Variants in GRID2 observed in about 807,000 individuals in gnomAD.
GRID2 encodes glutamate receptor ionotropic, delta-2.
Under a neutral mutation model 114.8 loss-of-function variants are expected in GRID2, and 33 were observed. That is an observed-to-expected ratio of 0.29 (90% CI 0.22 to 0.38). The LOEUF is 0.38. Among genes scored for constraint, GRID2 ranks in the 10% least tolerant of loss-of-function variants. GRID2 has a pLI of 1.00. For missense variants in GRID2, 1,184 were observed against 1,257.7 expected (o/e 0.94, Z 0.89); for synonymous variants, 505 against 449.9 (o/e 1.12, Z -1.55).
chr4:92,812,692 T>A (rs1274882519), intron 2 of GRID2, among the ~76,000 whole-genome samples: 1 of 152,144 alleles, frequency 6.6e-6, no homozygotes, highest in African/African-American at 2.4e-5. Flanking sequence ...AATGAAAAAC[T>A]GATTTATGCT....
chr4:92,528,917 G>A (rs1170786619), intron 1 of GRID2, among the ~76,000 whole-genome samples: 1 of 151,892 alleles, frequency 6.6e-6, no homozygotes, highest in Non-Finnish European at 1.5e-5. Flanking sequence ...AAATGTGTGT[G>A]GGACTGGTAA....
At chr4:92,631,951 G>T (rs1320664134) in intron 2 of GRID2, among the ~76,000 whole-genome samples, 1 of 152,118 alleles carries the variant, frequency 6.6e-6, no homozygotes, top group Non-Finnish European at 1.5e-5. Flanking sequence ...AACACTTTGT[G>T]TTACTGTAAT....
At chr4:92,330,754 T>A (rs1726843524) in intron 1 of GRID2, among the ~76,000 whole-genome samples, 2 of 151,998 alleles carry the variant, frequency 1.3e-5, no homozygotes, top group South Asian at 2.1e-4. Context: ...TATATAATCA[T>A]ATAGCCTGTG....
chr4:93,365,451 G>T (rs1186134577), intron 8 of GRID2, among the ~76,000 whole-genome samples: 2 of 152,158 alleles, frequency 1.3e-5, no homozygotes, highest in Non-Finnish European at 2.9e-5. Flanking sequence ...ATTTACTAAA[G>T]TTATTTGGTC....
intron 8 of GRID2, among the ~76,000 whole-genome samples, chr4:93,341,286 C>G (rs895208449): frequency 6.6e-6 from 1 of 151,706 alleles, no homozygotes; most frequent in Non-Finnish European, 1.5e-5. Flanking sequence ...TTTTTTTCCC[C>G]TTTAAACAAT....
chr4:93,662,911 G>A (rs1723620274), intron 14 of GRID2, among the ~76,000 whole-genome samples: 1 of 152,154 alleles, frequency 6.6e-6, no homozygotes, highest in South Asian at 2.1e-4. Flanking sequence ...AACTAAGTGA[G>A]AAGACATAGC....
intron 13 of GRID2, among the ~76,000 whole-genome samples, chr4:93,621,233 G>A (rs1046914642): frequency 6.6e-5 from 10 of 152,162 alleles, no homozygotes; most frequent in Non-Finnish European, 1.2e-4. Context: ...GGAGTCTATT[G>A]ATATCTCAGG....
intron 1 of GRID2, among the ~76,000 whole-genome samples, chr4:92,569,263 G>T (rs1024821363): frequency 1.3e-5 from 2 of 151,928 alleles, no homozygotes; most frequent in African/African-American, 4.8e-5. Context: ...AAGGATAATG[G>T]CCTCCAGCTC....
At chr4:92,715,949 A>G (rs1735524772) in intron 2 of GRID2, among the ~76,000 whole-genome samples, 1 of 152,226 alleles carries the variant, frequency 6.6e-6, no homozygotes, top group Non-Finnish European at 1.5e-5. Flanking sequence ...AGAAACTGCT[A>G]TAGAATGAAA....
chr4:92,487,827 G>A (rs879596558), intron 1 of GRID2, among the ~76,000 whole-genome samples: 8 of 151,912 alleles, frequency 5.3e-5, no homozygotes, highest in Admixed American at 2.0e-4. Flanking sequence ...CGGCAGTTTT[G>A]TGTGTTTTGT....
At chr4:93,392,851 A>C (rs1764981855) in intron 8 of GRID2, among the ~76,000 whole-genome samples, 1 of 152,080 alleles carries the variant, frequency 6.6e-6, no homozygotes, top group Admixed American at 6.6e-5. Context: ...AAGTGAATTA[A>C]ATACTAATTT....
At chr4:93,049,319 T>A (rs997231240) in intron 2 of GRID2, among the ~76,000 whole-genome samples, 2 of 152,052 alleles carry the variant, frequency 1.3e-5, no homozygotes, top group Non-Finnish European at 2.9e-5. Context: ...ATAAACATAA[T>A]TAAATATCAA....
chr4:92,933,566 C>A (rs1750405613), intron 2 of GRID2, among the ~76,000 whole-genome samples: 1 of 151,414 alleles, frequency 6.6e-6, no homozygotes, highest in Admixed American at 6.6e-5. Context: ...ATAAGCCATG[C>A]CAGGAGACTG....
intron 1 of GRID2, among the ~76,000 whole-genome samples, chr4:92,485,332 A>G (rs1423138216): frequency 9.4e-6 from 1 of 106,404 alleles, no homozygotes; most frequent in Non-Finnish European, 2.0e-5. Flanking sequence ...ATATATATAT[A>G]TATATATATA....
chr4:93,143,313 T>G (rs955924093), intron 4 of GRID2, among the ~76,000 whole-genome samples: 1 of 152,228 alleles, frequency 6.6e-6, no homozygotes, highest in Non-Finnish European at 1.5e-5. Flanking sequence ...ACCATGTTCC[T>G]TGTTAATTAT....
chr4:92,308,483 G>C (rs1725529609), intron 1 of GRID2, among the ~76,000 whole-genome samples: 1 of 152,116 alleles, frequency 6.6e-6, no homozygotes, highest in African/African-American at 2.4e-5. Flanking sequence ...CTCACAAACA[G>C]ATGATACTTT....
intron 2 of GRID2, among the ~76,000 whole-genome samples, chr4:92,987,181 C>T (rs757643542): frequency 1.3e-5 from 2 of 152,008 alleles, no homozygotes; most frequent in African/African-American, 4.8e-5. Context: ...ACTAAACTTA[C>T]GAGTAAGAAA....
intron 12 of GRID2, among the ~76,000 whole-genome samples, chr4:93,499,434 C>T (rs1020895250): frequency 7.2e-5 from 11 of 151,864 alleles, no homozygotes; most frequent in African/African-American, 1.9e-4. Flanking sequence ...ATATTGAGCC[C>T]TTCTTTCCCA....
chr4:93,654,631 G>C (rs1440151040), intron 14 of GRID2, among the ~76,000 whole-genome samples: 1 of 151,952 alleles, frequency 6.6e-6, no homozygotes, highest in East Asian at 1.9e-4. Flanking sequence ...AGATACAAGA[G>C]AATAAAAATA....
Sources: gnomAD v4.1 joint callset for allele counts (sites outside exome capture counted in the v4.1 genomes callset) on GRCh38, gnomAD v4.1.1 for gene constraint, MANE v1.5 for transcripts, NCBI Gene and HGNC (gene_info 2026-07-23, HGNC 2026-07-21) for gene names.